Variants in RABEPK observed in about 807,000 individuals in gnomAD.
The protein encoded by RABEPK is 40 kDa Rab9 effector protein.
A neutral mutation model predicts 34.1 loss-of-function variants in RABEPK; 27 were observed. The ratio of observed to expected loss-of-function variants is 0.79; its 90% confidence interval spans 0.58 to 1.09. The LOEUF is 1.09. Ranked by LOEUF, RABEPK falls within the 50% of genes least tolerant of loss-of-function variation. RABEPK has a pLI of 0.00. For missense variants in RABEPK, 449 were observed against 462.6 expected (o/e 0.97, Z 0.27); for synonymous variants, 172 against 169.2 (o/e 1.02, Z -0.13).
chr9:125,232,813 C>T (rs990718120), intron 7 of RABEPK, 68 bp downstream of exon 7: 6 of 1,508,162 alleles, frequency 4.0e-6, no homozygotes, highest in East Asian at 4.7e-5. Context: ...TGCGGTGGCT[C>T]ACGCCTGTAA....
intron 3 of RABEPK, among the ~76,000 whole-genome samples, chr9:125,211,446 A>G (rs1830588724): frequency 6.6e-6 from 1 of 151,902 alleles, no homozygotes; most frequent in Admixed American, 6.6e-5. Flanking sequence ...CACCACGCCC[A>G]GCATAATCTT....
At chr9:125,227,547 A>G (rs1831848588) in intron 5 of RABEPK, among the ~76,000 whole-genome samples, 1 of 151,268 alleles carries the variant, frequency 6.6e-6, no homozygotes, top group African/African-American at 2.4e-5. Context: ...TCAGCCTCCC[A>G]AGTAGCTGGG....
At chr9:125,225,186 A>G (rs1457216077) in intron 5 of RABEPK, among the ~76,000 whole-genome samples, 3 of 151,988 alleles carry the variant, frequency 2.0e-5, no homozygotes, top group Non-Finnish European at 4.4e-5. Context: ...GGAGTTCAAG[A>G]CCAGCCTGGG....
chr9:125,218,852 A>T (rs752555053), intron 4 of RABEPK, among the ~76,000 whole-genome samples: 23 of 152,018 alleles, frequency 1.5e-4, no homozygotes, highest in Admixed American at 2.6e-4. Context: ...TAAGCTTCTC[A>T]GGTAGCTGGG....
intron 3 of RABEPK, among the ~76,000 whole-genome samples, chr9:125,210,627 G>A (rs1001483168): frequency 2.0e-4 from 29 of 148,206 alleles, no homozygotes; most frequent in Non-Finnish European, 2.2e-4. Context: ...AGAATTGCTT[G>A]CATCTGGGAG....
chr9:125,201,876 T>G (rs1437679210), intron 1 of RABEPK, among the ~76,000 whole-genome samples: 2 of 150,442 alleles, frequency 1.3e-5, no homozygotes, highest in Non-Finnish European at 3.0e-5. Flanking sequence ...CCTCCCAAAG[T>G]GCTGGGATTA....
intron 5 of RABEPK, among the ~76,000 whole-genome samples, chr9:125,225,495 C>A (rs769553370): frequency 6.6e-6 from 1 of 151,472 alleles, no homozygotes; most frequent in Non-Finnish European, 1.5e-5. Flanking sequence ...ACTAGCCTAG[C>A]CAACATGGCA....
intron 4 of RABEPK, among the ~76,000 whole-genome samples, chr9:125,218,885 C>T (rs117999185): frequency 0.013 from 1,954 of 152,174 alleles, 101 homozygotes; most frequent in East Asian, 0.082. Context: ...CGCCACCACA[C>T]CCGACTAATT....
rs996638052 is a variant in RABEPK at position 125,204,202 on chromosome 9, C to T, written c.53+1136C>T. On this transcript the variant is annotated intron_variant, in intron 2 of 7. Transcript: ENST00000373538. ...ACAAAAAATTAGCCGGGCGTGGTGG[C>T]GGGCATCTGTAGTCCCAGCTACTCT... Among the ~76,000 whole-genome samples, 5 of 151,186 alleles carry T rather than the reference C, an allele frequency of 3.3e-5. No individual in the cohort carries two copies. In the South Asian group the frequency reaches 6.3e-4, roughly 19 times the overall value.
intron 5 of RABEPK, 85 bp from the exon 6 acceptor site, chr9:125,227,824 AG>A: frequency 7.6e-7 from 1 of 1,318,658 alleles, no homozygotes; most frequent in South Asian, 1.7e-5. Context: ...TCCGCTTGCT[AG>A]GAGGTGCTAC....
At chr9:125,206,198 G>A (rs1830214142) in intron 2 of RABEPK, among the ~76,000 whole-genome samples, 2 of 152,088 alleles carry the variant, frequency 1.3e-5, no homozygotes, top group Non-Finnish European at 1.5e-5. Flanking sequence ...TTCTCAGTCA[G>A]CATTCAGAAT....
intron 4 of RABEPK, among the ~76,000 whole-genome samples, chr9:125,215,328 G>A (rs548236676): frequency 4.2e-4 from 59 of 141,674 alleles, no homozygotes; most frequent in African/African-American, 8.7e-4. Flanking sequence ...TTTTTTTTTC[G>A]AGGCAGGGTC....
At chr9:125,227,623 G>A (rs1831854637) in intron 5 of RABEPK, among the ~76,000 whole-genome samples, 1 of 151,492 alleles carries the variant, frequency 6.6e-6, no homozygotes, top group Admixed American at 6.6e-5. Flanking sequence ...TAGAGACAGT[G>A]TTTCACCATG....
chr9:125,214,216 T>C (rs1012454245), intron 4 of RABEPK, among the ~76,000 whole-genome samples: 2 of 152,010 alleles, frequency 1.3e-5, no homozygotes, highest in Admixed American at 1.3e-4. Context: ...TCACCTAGAT[T>C]AGTAGTCCTC....
intron 5 of RABEPK, among the ~76,000 whole-genome samples, chr9:125,224,380 A>AC (rs781054123): frequency 6.3e-4 from 95 of 151,740 alleles, no homozygotes; most frequent in Non-Finnish European, 1.2e-3. Flanking sequence ...TGTATTGGGT[A>AC]CTTTTTTTTC....
intron 7 of RABEPK, among the ~76,000 whole-genome samples, chr9:125,233,318 A>C (rs16927988): frequency 2.8e-3 from 369 of 133,250 alleles, no homozygotes; most frequent in Middle Eastern, 7.8e-3. Flanking sequence ...GGCTTTCACT[A>C]TCTGGAAATT....
rs1241238803 is a variant in RABEPK, at chr9:125,233,870, G to A, written c.1009G>A (p.Gly337Ser). The part of the protein sequence containing the change: ...DSADKVMSHS[G>S]DSHEESQTAT... ...AGCTGACAAAGTAATGAGCCACAGT[G>A]GTGACTCACATGAGGAAAGCCAGAC... is the stretch of plus-strand genomic sequence containing the variant. The change falls in exon 8 of 8, where the codon GGT becomes AGT. Residue 337 changes from glycine (G) to serine (S), a missense_variant. Gly to Ser is a moderately conservative substitution (Grantham distance 56). Coordinates refer to ENST00000373538, the MANE Select transcript of RABEPK (RefSeq NM_005833.4). 6.2e-7 allele frequency: 1 copy of A among 1,613,816 alleles called. No individual in the cohort carries two copies. The highest frequency in any genetic ancestry group is 8.5e-7 in the Non-Finnish European group (1 of 1,179,738).
chr9:125,217,354 G>A (rs780580213), intron 4 of RABEPK, among the ~76,000 whole-genome samples: 5 of 152,070 alleles, frequency 3.3e-5, no homozygotes, highest in Non-Finnish European at 5.9e-5. Context: ...AATAAAGTGA[G>A]AATTTGGAAA....
intron 1 of RABEPK, among the ~76,000 whole-genome samples, chr9:125,201,576 G>A (rs901536579): frequency 2.0e-5 from 3 of 152,056 alleles, no homozygotes; most frequent in African/African-American, 4.8e-5. Context: ...CTAGGAGTTC[G>A]AGACCAGCCT....
Sources: allele counts gnomAD v4.1 joint callset (sites outside exome capture counted in the v4.1 genomes callset), GRCh38; gene constraint gnomAD v4.1.1; transcripts MANE v1.5; gene names NCBI Gene and HGNC (gene_info 2026-07-23, HGNC 2026-07-21).